The following GABRB3 variants were observed in gnomAD, a reference collection of about 807,000 sequenced individuals.
GABRB3 encodes gamma-aminobutyric acid type A receptor subunit beta3, also known as gamma-aminobutyric acid receptor subunit beta-3.
A neutral mutation model predicts 52.1 loss-of-function variants in GABRB3; 14 were observed. The ratio of observed to expected loss-of-function variants is 0.27; its 90% CI spans 0.18 to 0.42. GABRB3 has a LOEUF of 0.42. Ranked by LOEUF, GABRB3 falls within the 10% of genes least tolerant of loss-of-function variation. The pLI is 1.00. For synonymous variants in GABRB3, 260 were observed against 232.3 expected (o/e 1.12, Z -1.08); for missense variants, 307 against 609.1 (o/e 0.50, Z 5.22).
intron 8 of GABRB3, among the ~76,000 whole-genome samples, chr15:26,554,180 A>AG: frequency 3.7e-5 from 1 of 26,734 alleles, no homozygotes; most frequent in South Asian, 1.4e-3. Context: ...TATAAAGTAT[A>AG]TATATATATA....
intron 3 of GABRB3, among the ~76,000 whole-genome samples, chr15:26,680,306 A>G (rs553152411): frequency 1.4e-4 from 21 of 152,284 alleles, no homozygotes; most frequent in South Asian, 1.0e-3. Context: ...CTCTCTATAT[A>G]CATCCTATTG....
chr15:26,649,050 G>A (rs1887107425), intron 3 of GABRB3, among the ~76,000 whole-genome samples: 1 of 152,170 alleles, frequency 6.6e-6, no homozygotes, highest in African/African-American at 2.4e-5. Context: ...GGAGGCAGCA[G>A]AACCATCTAC....
At chr15:26,583,028 T>A (rs1054658264) in intron 5 of GABRB3, among the ~76,000 whole-genome samples, 1 of 152,172 alleles carries the variant, frequency 6.6e-6, no homozygotes, top group Non-Finnish European at 1.5e-5. Flanking sequence ...CAGCCACTCA[T>A]GAGTGATGAA....
At chr15:26,730,291 G>A (rs1324446366) in intron 3 of GABRB3, among the ~76,000 whole-genome samples, 2 of 151,856 alleles carry the variant, frequency 1.3e-5, no homozygotes, top group East Asian at 3.9e-4. Context: ...GGTAGCGGGC[G>A]CCTGTAGTCC....
intron 3 of GABRB3, chr15:26,624,755 G>A: frequency 1.0e-6 from 1 of 985,286 alleles, no homozygotes; most frequent in Non-Finnish European, 1.2e-6. Flanking sequence ...TTTTTTTCTG[G>A]GATACTTACT....
At chr15:26,730,953 G>C (rs902342628) in intron 3 of GABRB3, among the ~76,000 whole-genome samples, 24 of 152,236 alleles carry the variant, frequency 1.6e-4, no homozygotes, top group African/African-American at 5.1e-4. Context: ...AAGCAATAAT[G>C]AATATAATTT....
chr15:26,641,938 A>G (rs928133512), intron 3 of GABRB3, among the ~76,000 whole-genome samples: 1 of 151,394 alleles, frequency 6.6e-6, no homozygotes, highest in Admixed American at 6.6e-5. Context: ...CACCCAAGCT[A>G]GAGTGCAGTG....
intron 3 of GABRB3, among the ~76,000 whole-genome samples, chr15:26,680,490 C>CTTGGTGTAACAGTCAAGTTCTA (rs11274406): frequency 0.41 from 61,368 of 151,312 alleles, 12,761 homozygotes; most frequent in Non-Finnish European, 0.44. Flanking sequence ...ATTGACTCTT[C>CTTGGTGTAACAGTCAAGTTCTA]TTGGTGTAAC....
intron 4 of GABRB3, among the ~76,000 whole-genome samples, chr15:26,584,062 C>T (rs1890888624): frequency 6.6e-6 from 1 of 152,140 alleles, no homozygotes; most frequent in African/African-American, 2.4e-5. Context: ...AGGCGTGAGC[C>T]ACCGCACCTG....
chr15:26,568,347 A>G lies in GABRB3; in HGVS notation c.683-614T>C, dbSNP rs1178255712. ...GGAGCACCTGTCTGCCTTCTTGCCCATGAGTCCCAGTGTTAATTCTCGGAT... is the reference window on the plus strand; with the variant it reads ...GGAGCACCTGTCTGCCTTCTTGCCCGTGAGTCCCAGTGTTAATTCTCGGAT... On this transcript the variant is annotated intron_variant, in intron 6 of 8. Coordinates refer to ENST00000311550, the MANE Select transcript of GABRB3 (RefSeq NM_000814.6). 6.6e-5 allele frequency among the ~76,000 whole-genome samples: 10 copies of G among 152,296 alleles called. No individual in the cohort carries two copies. The East Asian group carries it at 1.9e-3, about 29-fold the overall frequency.
chr15:26,564,878 A>G (rs1386873205), intron 7 of GABRB3, among the ~76,000 whole-genome samples: 1 of 152,236 alleles, frequency 6.6e-6, no homozygotes, highest in Non-Finnish European at 1.5e-5. Flanking sequence ...TCTTTACTGT[A>G]GTTTTACTGA....
At position 26,722,295 on chromosome 15, in the gene GABRB3, C is replaced by T. The variant is rs1232071904; in HGVS notation, c.240+50107G>A. Among the ~76,000 whole-genome samples the T allele has an allele frequency of 2.6e-5, 4 of 152,266 alleles. No homozygotes were observed. The East Asian group carries it at 7.8e-4, about 30-fold the overall frequency. On this transcript the variant is annotated intron_variant, in intron 3 of 8. Coordinates refer to ENST00000311550, the MANE Select transcript of GABRB3 (RefSeq NM_000814.6). ...CACGAAAGGGAGGAGACCTGAGCAG[C>T]AAATGACCAAGATCTCTGGACGGCT... is the stretch of plus-strand genomic sequence containing the variant.
intron 3 of GABRB3, among the ~76,000 whole-genome samples, chr15:26,765,512 G>A (rs891592170): frequency 1.2e-4 from 18 of 152,058 alleles, no homozygotes; most frequent in Non-Finnish European, 2.4e-4. Flanking sequence ...CCCAAATTCC[G>A]AGACATTAAA....
intron 4 of GABRB3, among the ~76,000 whole-genome samples, chr15:26,589,784 A>G (rs887610076): frequency 1.3e-5 from 2 of 152,200 alleles, no homozygotes; most frequent in Admixed American, 6.5e-5. Context: ...AACGGCAGCA[A>G]CCCCAACCAC....
chr15:26,615,863 A>G, intron 4 of GABRB3: 1 of 1,238,732 alleles, frequency 8.1e-7, no homozygotes, highest in Non-Finnish European at 1.0e-6. Context: ...GGTCTCAGTG[A>G]TACAGCCAGT....
intron 3 of GABRB3, among the ~76,000 whole-genome samples, chr15:26,722,442 A>G (rs1310484454): frequency 1.3e-5 from 2 of 152,182 alleles, no homozygotes; most frequent in African/African-American, 2.4e-5. Context: ...CGACATAGGC[A>G]CTCAGATGGA....
chr15:26,706,208 A>T (rs1376268022), intron 3 of GABRB3, among the ~76,000 whole-genome samples: 1 of 152,136 alleles, frequency 6.6e-6, no homozygotes, highest in African/African-American at 2.4e-5. Context: ...TCGAAACTCA[A>T]CGGGGTCCCA....
At chr15:26,695,204 C>A (rs1415384655) in intron 3 of GABRB3, among the ~76,000 whole-genome samples, 1 of 152,000 alleles carries the variant, frequency 6.6e-6, no homozygotes, top group African/African-American at 2.4e-5. Context: ...AAAAAATGTA[C>A]ACTTAGGCAT....
chr15:26,689,595 G>A (rs988412721), intron 3 of GABRB3, among the ~76,000 whole-genome samples: 2 of 152,092 alleles, frequency 1.3e-5, no homozygotes, highest in Non-Finnish European at 2.9e-5. Context: ...GCGTTAGCAT[G>A]ACCCCAGAGT....
Sources: allele counts gnomAD v4.1 joint callset (sites outside exome capture counted in the v4.1 genomes callset), GRCh38; gene constraint gnomAD v4.1.1; transcripts MANE v1.5; gene names NCBI Gene and HGNC (gene_info 2026-07-23, HGNC 2026-07-21).